PRH1: variants seen among roughly 807,000 people sequenced by gnomAD.
PRH1 encodes proline rich protein HaeIII subfamily 1.
A neutral mutation model predicts 7.9 loss-of-function variants in PRH1; 7 were observed. That is an observed-to-expected ratio of 0.89 (90% CI 0.50 to 1.67). The LOEUF is 1.67. Among genes scored for constraint, PRH1 ranks in the 40% most tolerant of loss-of-function variants. The probability of loss-of-function intolerance (pLI) is 0.00; values close to 1 mark genes in which losing one functional copy is unlikely to be tolerated. For synonymous variants in PRH1, 45 were observed against 80.8 expected (o/e 0.56, Z 2.38); for missense variants, 109 against 223.6 (o/e 0.49, Z 3.27).
intron 1 of PRH1, among the ~76,000 whole-genome samples, chr12:11,153,360 C>A (rs1947160004): frequency 6.6e-6 from 1 of 152,186 alleles, no homozygotes; most frequent in Admixed American, 6.5e-5. Flanking sequence ...AAACTCAAAT[C>A]AATTTCTGCA....
At chr12:10,923,732 T>G (rs1031536106) in intron 2 of PRH1, among the ~76,000 whole-genome samples, 1 of 152,218 alleles carries the variant, frequency 6.6e-6, no homozygotes, top group Non-Finnish European at 1.5e-5. Flanking sequence ...TGGTAGATTC[T>G]ACCCATTTAT....
chr12:11,038,053 A>AG (rs1487511464), intron 1 of PRH1, among the ~76,000 whole-genome samples: 1 of 152,264 alleles, frequency 6.6e-6, no homozygotes, highest in East Asian at 1.9e-4. Flanking sequence ...AAATAAAAAA[A>AG]GAAAAGTTTT....
chr12:11,168,299 A>G (rs200250560), intron 1 of PRH1, among the ~76,000 whole-genome samples: 519 of 5,432 alleles, frequency 0.096, 78 homozygotes, highest in African/African-American at 0.17. Flanking sequence ...AAAGAAAGAA[A>G]GAAGGAAGGA....
At chr12:10,986,199 G>A in intron 1 of PRH1, 1 of 1,614,066 alleles carries the variant, frequency 6.2e-7, no homozygotes, top group South Asian at 1.1e-5. Context: ...GTGGACCTTG[G>A]TGCTGAGATC....
At chr12:10,913,594 C>A (rs1426832083) in intron 2 of PRH1, among the ~76,000 whole-genome samples, 1 of 152,146 alleles carries the variant, frequency 6.6e-6, no homozygotes, top group Non-Finnish European at 1.5e-5. Flanking sequence ...TTGTACATAG[C>A]ATAGAGGTCG....
chr12:11,099,242 G>T (rs1945157497), intron 1 of PRH1, among the ~76,000 whole-genome samples: 1 of 152,100 alleles, frequency 6.6e-6, no homozygotes, highest in African/African-American at 2.4e-5. Context: ...CCATACTGGG[G>T]ATTCTTCCTC....
chr12:11,070,917 G>C (rs1303744355), intron 1 of PRH1, among the ~76,000 whole-genome samples: 1 of 152,034 alleles, frequency 6.6e-6, no homozygotes, highest in African/African-American at 2.4e-5. Flanking sequence ...ACTCACTACA[G>C]CCTTGAATTC....
At chr12:11,134,948 G>A (rs1385904494) in intron 1 of PRH1, among the ~76,000 whole-genome samples, 3 of 152,096 alleles carry the variant, frequency 2.0e-5, no homozygotes, top group Non-Finnish European at 4.4e-5. Flanking sequence ...TGAATGGAAC[G>A]AATTATTTTC....
rs753109540 is a variant in PRH1, at chr12:11,092,048, A to G, written n.124-44860T>C. The stretch of plus-strand genomic sequence containing the variant: ...AGTTGAATACCAGTTTAATAATAAT[A>G]CCCAGAGCAAACCAACTCTGGAGAC... On this transcript the variant is annotated intron_variant and non_coding_transcript_variant, in intron 1 of 4. Transcript: ENST00000541977. 2.7e-5 allele frequency: 41 copies of G among 1,521,794 alleles called. 1 individual carries two copies. Among genetic ancestry groups the G allele is most frequent in the Non-Finnish European group, 3.5e-5 (39 of 1,107,960 alleles). 94.3% of individuals were successfully genotyped at this position (1,521,794 alleles called of 1,614,324 possible).
intron 1 of PRH1, chr12:11,046,876 A>G (rs752391260): frequency 1.6e-4 from 51 of 325,966 alleles, no homozygotes; most frequent in Admixed American, 4.1e-4. Context: ...TGAATTATAG[A>G]GAACAGCTCA....
chr12:11,130,795 C>T (rs1565684594), intron 1 of PRH1, among the ~76,000 whole-genome samples: 3 of 152,256 alleles, frequency 2.0e-5, no homozygotes, highest in Non-Finnish European at 2.9e-5. Context: ...GAACATTAAT[C>T]CAAGCATAGA....
At chr12:11,061,135 G>A (rs546136919) in intron 1 of PRH1, among the ~76,000 whole-genome samples, 16 of 152,100 alleles carry the variant, frequency 1.1e-4, no homozygotes, top group Non-Finnish European at 2.2e-4. Flanking sequence ...AAACAAAAAA[G>A]AGTATGTCAC....
intron 2 of PRH1, chr12:10,931,247 T>G (rs1274938313): frequency 7.1e-7 from 1 of 1,411,930 alleles, no homozygotes; most frequent in Non-Finnish European, 9.5e-7. Context: ...ATCTTGTTTT[T>G]AAACAATCTC....
At chr12:10,975,609 T>G (rs1045524536) in intron 1 of PRH1, among the ~76,000 whole-genome samples, 3 of 152,070 alleles carry the variant, frequency 2.0e-5, no homozygotes, top group Non-Finnish European at 2.9e-5. Context: ...TTGCCCCAGT[T>G]AAAGAGCAAA....
At chr12:11,035,756 A>G (rs879261753) in intron 1 of PRH1, among the ~76,000 whole-genome samples, 6 of 152,170 alleles carry the variant, frequency 3.9e-5, no homozygotes, top group South Asian at 2.1e-4. Context: ...TTGCTGGGTC[A>G]TCACCACAAA....
chr12:11,012,363 C>T (rs978255626), intron 1 of PRH1, among the ~76,000 whole-genome samples: 5 of 152,038 alleles, frequency 3.3e-5, no homozygotes, highest in Non-Finnish European at 5.9e-5. Flanking sequence ...CTCCATTTTA[C>T]GAATTCTCTC....
At chr12:10,895,093 T>C (rs1378077511) in intron 2 of PRH1, 1 of 152,194 alleles carries the variant, frequency 6.6e-6, no homozygotes, top group African/African-American at 2.4e-5. Context: ...TAAAAGTCCT[T>C]GCCGCAACGA....
chr12:11,120,871 G>A (rs1010511596), exon 2 of PRH1: 1 of 153,018 alleles, frequency 6.5e-6, no homozygotes, highest in South Asian at 2.1e-4. Context: ...TACAGAGAAC[G>A]GCTCATGATG....
downstream of PRH1, among the ~76,000 whole-genome samples, chr12:11,118,048 GT>G (rs1945780358): frequency 6.6e-6 from 1 of 152,080 alleles, no homozygotes; most frequent in South Asian, 2.1e-4. Context: ...AGGCAACCAA[GT>G]AAAAAATGCA....
Sources: gnomAD v4.1 joint callset for allele counts (sites outside exome capture counted in the v4.1 genomes callset) on GRCh38, gnomAD v4.1.1 for gene constraint, MANE v1.5 for transcripts, NCBI Gene and HGNC (gene_info 2026-07-23, HGNC 2026-07-21) for gene names.